The following PDE1C variants were observed in gnomAD, a reference collection of about 807,000 sequenced individuals.
The protein encoded by PDE1C is phosphodiesterase 1C, also known as dual specificity calcium/calmodulin-dependent 3',5'-cyclic nucleotide phosphodiesterase 1C.
In PDE1C, 62 loss-of-function variants were observed where a neutral mutation model predicts 93.1. The observed-to-expected ratio is 0.67, with a 90% confidence interval of 0.54 to 0.82. The LOEUF (loss-of-function observed/expected upper bound fraction) is 0.82, where lower values mean the gene tolerates loss of function less well. Among genes scored for constraint, PDE1C ranks in the 40% least tolerant of loss-of-function variants. The pLI, the probability that PDE1C is intolerant of heterozygous loss-of-function variation, is 0.00. For synonymous variants in PDE1C, 325 were observed against 310.1 expected (o/e 1.05, Z -0.50); for missense variants, 742 against 884.6 (o/e 0.84, Z 2.04).
At chr7:32,412,092 G>C (rs2128098048) in intron 1 of PDE1C, among the ~76,000 whole-genome samples, 1 of 152,184 alleles carries the variant, frequency 6.6e-6, no homozygotes, top group South Asian at 2.1e-4. Context: ...GGACCTGCTT[G>C]AGGCTGTTTT....
At chr7:31,704,115 T>C in the PDE1C span, among the ~76,000 whole-genome samples, 4 of 152,118 alleles carry the variant, frequency 2.6e-5, no homozygotes, top group East Asian at 1.9e-4. Context: ...TCCTGGAAAA[T>C]TGTCCATGAG....
intron 3 of PDE1C, among the ~76,000 whole-genome samples, chr7:32,082,207 T>G (rs1796714334): frequency 1.3e-5 from 2 of 152,244 alleles, no homozygotes; most frequent in African/African-American, 4.8e-5. Context: ...ACCAGGAGAT[T>G]ATATCCCGCA....
chr7:32,315,993 T>A (rs55796462), intron 1 of PDE1C, among the ~76,000 whole-genome samples: 7 of 152,244 alleles, frequency 4.6e-5, no homozygotes, highest in Non-Finnish European at 1.0e-4. Flanking sequence ...GAAAACTCCA[T>A]CTCAAAAAAT....
At chr7:32,337,740 A>G (rs1359070166) in intron 1 of PDE1C, among the ~76,000 whole-genome samples, 2 of 152,046 alleles carry the variant, frequency 1.3e-5, no homozygotes, top group Admixed American at 1.3e-4. Context: ...GGGGGAGAAG[A>G]AAGACAAGTA....
the PDE1C span, among the ~76,000 whole-genome samples, chr7:31,629,823 G>C: frequency 1.3e-5 from 2 of 152,138 alleles, no homozygotes; most frequent in African/African-American, 2.4e-5. Context: ...AGGAAATAGA[G>C]CATCCATATA....
chr7:31,753,209 G>A lies in PDE1C; in HGVS notation c.*175C>T. 1.3e-6 allele frequency: 1 copy of A among 769,252 alleles called. No individual in the cohort carries two copies. The highest frequency in any genetic ancestry group is 1.7e-5 in the African/African-American group (1 of 57,320). 47.7% of individuals were successfully genotyped at this position (769,252 alleles called of 1,614,324 possible). A position where few individuals can be genotyped will look rare whatever the true frequency, so the allele number is the denominator to read the frequency against. On this transcript the variant is annotated 3_prime_UTR_variant, in exon 18 of 18. Transcript: ENST00000396191. The stretch of plus-strand genomic sequence containing the variant: ...TACAGCAATTGAAAAGTCTATACAA[G>A]AACAACAAAGAGGAAAATCACATAC...
chr7:31,838,022 T>G, intron 9 of PDE1C, 51 bp from the exon 10 acceptor site: 1 of 1,197,160 alleles, frequency 8.4e-7, no homozygotes, highest in South Asian at 1.3e-5. Flanking sequence ...AAATGGAAAG[T>G]AAAAATCAGT....
At chr7:31,941,901 A>C (rs969703615) in intron 2 of PDE1C, among the ~76,000 whole-genome samples, 2 of 152,252 alleles carry the variant, frequency 1.3e-5, no homozygotes, top group African/African-American at 2.4e-5. Context: ...TAATCCTAAC[A>C]AAGTGGCATT....
At chr7:31,971,800 T>C (rs1050929225) in intron 2 of PDE1C, among the ~76,000 whole-genome samples, 1 of 152,224 alleles carries the variant, frequency 6.6e-6, no homozygotes. Context: ...TGACAGTGAC[T>C]GTCCCTCCGT....
chr7:31,899,340 G>C (rs908742994), intron 2 of PDE1C, among the ~76,000 whole-genome samples: 1 of 151,710 alleles, frequency 6.6e-6, no homozygotes, highest in South Asian at 2.1e-4. Flanking sequence ...GGGTTTCACC[G>C]TGTTAGCCAG....
At chr7:32,097,535 T>A (rs1298339760) in intron 3 of PDE1C, among the ~76,000 whole-genome samples, 1 of 152,180 alleles carries the variant, frequency 6.6e-6, no homozygotes, top group African/African-American at 2.4e-5. Flanking sequence ...GGTCAGTAGA[T>A]CACGGCTCCA....
At chr7:31,710,542 T>C in the PDE1C span, among the ~76,000 whole-genome samples, 1 of 152,200 alleles carries the variant, frequency 6.6e-6, no homozygotes, top group African/African-American at 2.4e-5. Context: ...CCCTGTGCTG[T>C]CCAGGTTGTT....
intron 1 of PDE1C, among the ~76,000 whole-genome samples, chr7:32,059,408 C>T (rs1219795657): frequency 6.6e-6 from 1 of 152,110 alleles, no homozygotes; most frequent in Non-Finnish European, 1.5e-5. Context: ...TAAACAACCC[C>T]ACAGGAAGCC....
At chr7:31,876,023 G>C (rs1796548134) in intron 5 of PDE1C, among the ~76,000 whole-genome samples, 2 of 151,384 alleles carry the variant, frequency 1.3e-5, no homozygotes, top group African/African-American at 4.9e-5. Flanking sequence ...TGTAATAAAA[G>C]AAAGCAGTAA....
intron 1 of PDE1C, among the ~76,000 whole-genome samples, chr7:32,366,959 G>A (rs1372563292): frequency 6.6e-6 from 1 of 151,998 alleles, no homozygotes; most frequent in Middle Eastern, 3.2e-3. Flanking sequence ...AACCCAGGAG[G>A]TGGAGTTTGC....
intron 1 of PDE1C, among the ~76,000 whole-genome samples, chr7:32,309,959 T>A (rs1484729287): frequency 1.3e-5 from 2 of 152,056 alleles, no homozygotes; most frequent in Non-Finnish European, 2.9e-5. Flanking sequence ...GACTGGCAAA[T>A]TGGATAAAGA....
At position 31,816,505 on chromosome 7, in the gene PDE1C, A is replaced by G. The variant is rs375129261; in HGVS notation, c.1583-351T>C. Reference sequence around the variant, plus strand: ...GCTGAGTGTTTTTTGGGGATTATTTATTTTCATCCTCAAAACAACCTTACA... The same window carrying G: ...GCTGAGTGTTTTTTGGGGATTATTTGTTTTCATCCTCAAAACAACCTTACA... On this transcript the variant is annotated intron_variant, in intron 14 of 17. Transcript: ENST00000396191. 5.9e-5 allele frequency among the ~76,000 whole-genome samples: 9 copies of G among 152,116 alleles called. No individual in the cohort carries two copies. The East Asian group carries it at 1.7e-3, about 29-fold the overall frequency.
the PDE1C span, chr7:31,651,201 A>G: frequency 1.2e-6 from 2 of 1,613,672 alleles, no homozygotes; most frequent in East Asian, 2.2e-5. Flanking sequence ...GGGAGTATTT[A>G]GAAGAAATTG....
intron 17 of PDE1C, among the ~76,000 whole-genome samples, chr7:31,762,663 C>T (rs1405150841): frequency 1.3e-5 from 2 of 152,022 alleles, no homozygotes; most frequent in Non-Finnish European, 2.9e-5. Flanking sequence ...TTTTAAAGAC[C>T]CAGATTCTCC....
Sources: gnomAD v4.1 joint callset for allele counts (sites outside exome capture counted in the v4.1 genomes callset) on GRCh38, gnomAD v4.1.1 for gene constraint, MANE v1.5 for transcripts, NCBI Gene and HGNC (gene_info 2026-07-23, HGNC 2026-07-21) for gene names.